Variants in CACFD1 observed in about 807,000 individuals in gnomAD.
CACFD1 encodes calcium channel flower domain containing 1, also known as calcium channel flower homolog.
CACFD1 carries 26 observed loss-of-function variants against 21.3 expected under a neutral mutation model. That is an observed-to-expected ratio of 1.22 (90% CI 0.89 to 1.69). The LOEUF is 1.69. CACFD1 is among the 40% of genes most tolerant of loss of function. The pLI, the probability that CACFD1 is intolerant of heterozygous loss-of-function variation, is 0.00. For missense variants in CACFD1, 265 were observed against 236.2 expected, an observed-to-expected ratio of 1.12 and a Z score of -0.80; for synonymous variants, 121 against 106.6, an observed-to-expected ratio of 1.13 and a Z score of -0.83.
chr9:133,460,988 T>C (rs1223115405), intron 1 of CACFD1, among the ~76,000 whole-genome samples: 3 of 152,054 alleles, frequency 2.0e-5, no homozygotes, highest in Non-Finnish European at 4.4e-5. Context: ...CAGGAGTGAA[T>C]GGAAGCCGTA....
Position 133,468,558 on chromosome 9 carries a change from C to CTGG in CACFD1, c.429-5_429-4insTGG. 1 of 1,574,532 alleles carries CTGG rather than the reference C, an allele frequency of 6.4e-7. No homozygotes were observed. The highest frequency in any genetic ancestry group is 8.6e-7 in the Non-Finnish European group (1 of 1,161,926). Reference sequence around the variant, plus strand: ...CCACGTGACGCTGCCTCTCTCTCTCCCCAGGGGCGATGCGATCTCCTATGC... The same window carrying CTGG: ...CCACGTGACGCTGCCTCTCTCTCTCCTGGCCAGGGGCGATGCGATCTCCTATGC... On this transcript the variant is annotated splice_polypyrimidine_tract_variant and splice_region_variant and intron_variant, in intron 4 of 4. Transcript: ENST00000316948.
At chr9:133,461,992 G>A in intron 1 of CACFD1, 1 of 985,364 alleles carries the variant, frequency 1.0e-6, no homozygotes, top group South Asian at 4.7e-5. Flanking sequence ...CCTTGGGAGG[G>A]GACAGGATTG....
Position 133,468,005 on chromosome 9 carries a change from C to A in CACFD1, c.405C>A (p.Tyr135Ter). 1 of 1,613,840 alleles carries A rather than the reference C, an allele frequency of 6.2e-7. No homozygotes were observed. ...TCGCCTTTGCTACGGGGGTGCTGTA[C>A]GGACTCTCTGCTCTGGGCAAAAAGT... ...NAIAFATGVL[Y>*]GLSALGKKGD... Residue 135 changes from tyrosine to a stop codon, truncating the protein, a stop_gained, in exon 4 of 5, where the codon TAC becomes TAA. Coordinates refer to ENST00000316948, the MANE Select transcript of CACFD1 (RefSeq NM_017586.5). LOFTEE classifies it high-confidence loss of function.
chr9:133,465,555 G>A lies in CACFD1; in HGVS notation c.320+108G>A, dbSNP rs1554799388. 3 of 1,160,202 alleles carry A rather than the reference G, an allele frequency of 2.6e-6. No individual in the cohort carries two copies. The highest frequency in any genetic ancestry group is 3.7e-6 in the Non-Finnish European group (3 of 816,796). 71.9% of individuals were successfully genotyped at this position (1,160,202 alleles called of 1,614,324 possible). On this transcript the variant is annotated intron_variant, in intron 3 of 4. Coordinates refer to ENST00000316948, the MANE Select transcript of CACFD1 (RefSeq NM_017586.5). This position sits in a 1 kb window ranked among gnomAD's most constrained non-coding sequence, Gnocchi z 5.0. ...TGGGCAGTGTATTCAGTTCCTCTCT[G>A]TGGAAGTGTAAACTGGGATTGCCTT...
chr9:133,460,560 A>G (rs1027741834), intron 1 of CACFD1, among the ~76,000 whole-genome samples: 31 of 140,174 alleles, frequency 2.2e-4, no homozygotes, highest in African/African-American at 7.3e-4. Flanking sequence ...TTTCTCGGTG[A>G]TGCTCACGGG....
In CACFD1 at chr9:133,465,284, T is replaced by A; in HGVS notation, c.195-38T>A. On this transcript the variant is annotated intron_variant, in intron 2 of 4. Coordinates refer to ENST00000316948, the MANE Select transcript of CACFD1 (RefSeq NM_017586.5). The surrounding 1 kb of genome is among the most constrained non-coding windows in gnomAD (Gnocchi z 5.0). ...GGGGCCGCCCTCATCCTCCTGGGAT[T>A]GTCAGTCGCTGCTCTTCTCCTGCCC... 1 of 1,612,146 alleles carries A rather than the reference T, an allele frequency of 6.2e-7. No individual in the cohort carries two copies. The highest frequency in any genetic ancestry group is 1.7e-5 in the Admixed American group (1 of 60,010).
At chr9:133,461,869 G>T (rs1843231463) in intron 1 of CACFD1, 2 of 985,270 alleles carry the variant, frequency 2.0e-6, no homozygotes, top group Non-Finnish European at 2.4e-6. Context: ...TTCAGACAAG[G>T]GTTGTGTGCC....
intron 1 of CACFD1, chr9:133,461,949 T>C (rs1554798624): frequency 2.0e-6 from 2 of 985,298 alleles, no homozygotes; most frequent in African/African-American, 3.5e-5. Context: ...GGAGAGGGTC[T>C]ACCCTGGGTC....
intron 3 of CACFD1, among the ~76,000 whole-genome samples, chr9:133,466,467 T>G (rs2130999172): frequency 6.6e-6 from 1 of 152,362 alleles, no homozygotes; most frequent in East Asian, 1.9e-4. Flanking sequence ...TATAAGCATT[T>G]GAACATCACC....
intron 1 of CACFD1, among the ~76,000 whole-genome samples, chr9:133,462,906 G>A (rs1554798825): frequency 6.6e-6 from 1 of 152,248 alleles, no homozygotes. Context: ...TGAAGATAGC[G>A]TGCCAGTGGC....
intron 3 of CACFD1, among the ~76,000 whole-genome samples, chr9:133,466,797 A>G (rs782684648): frequency 6.6e-6 from 1 of 151,868 alleles, no homozygotes; most frequent in Non-Finnish European, 1.5e-5. Context: ...GTTATCTAAG[A>G]GGGAAAAATA....
intron 1 of CACFD1, among the ~76,000 whole-genome samples, chr9:133,461,388 T>C (rs1554798504): frequency 6.6e-6 from 1 of 152,176 alleles, no homozygotes; most frequent in African/African-American, 2.4e-5. Context: ...GGCCCCGAGT[T>C]TGTGTCACTG....
intron 2 of CACFD1, among the ~76,000 whole-genome samples, chr9:133,464,524 G>C (rs182059583): frequency 2.4e-4 from 37 of 152,270 alleles, no homozygotes; most frequent in African/African-American, 8.4e-4. Context: ...CCCGGGCTTG[G>C]GGTGGCTCTT....
In CACFD1 at chr9:133,460,128, A is replaced by C. The variant is rs2130976459; in HGVS notation, c.62A>C (p.Glu21Ala). Residue 21 changes from glutamate to alanine, a missense_variant, in exon 1 of 5, where the codon GAG (glutamate) becomes GCG (alanine). By Grantham distance (107) the Glu-to-Ala change is moderately radical. Coordinates refer to ENST00000316948, the MANE Select transcript of CACFD1 (RefSeq NM_017586.5). ...SASSAPPAQE[E>A]GMTWWYRWLC... ...AGCTCTGCGCCGCCCGCGCAGGAAG[A>C]GGGCATGACGTGGTGGTACCGCTGG... The C allele has an allele frequency of 6.4e-7, 1 of 1,562,434 alleles. No individual in the cohort carries two copies. The highest frequency in any genetic ancestry group is 2.4e-5 in the East Asian group (1 of 41,696).
chr9:133,460,168 TG>T lies in CACFD1; in HGVS notation c.106del (p.Val36CysfsTer21). ...GGTACCGCTGGCTGTGTCGCCTGTC[TG>T]GGGTGCTGGGGGCAGTCTGTGAGTA... ...WWYRWLCRLSGVLGAVSCAIS... is the reference protein window; with the variant it reads ...WWYRWLCRLSXVLGAVSCAIS... On this transcript the variant is annotated frameshift_variant, in exon 1 of 5. Transcript: ENST00000316948. LOFTEE classifies it high-confidence loss of function. The T allele has an allele frequency of 1.3e-6, 2 of 1,554,706 alleles. No individual in the cohort carries two copies. Among genetic ancestry groups the T allele is most frequent in the Non-Finnish European group, 1.7e-6 (2 of 1,149,812 alleles).
chr9:133,468,112 G>A, intron 4 of CACFD1, 84 bp downstream of exon 4: 4 of 1,205,518 alleles, frequency 3.3e-6, no homozygotes, highest in Non-Finnish European at 3.6e-6. Flanking sequence ...TCTGAGAGTG[G>A]CCCCTTTTAG....
At position 133,468,681 on chromosome 9, in the gene CACFD1, C is replaced by G. The variant is rs782634397; in HGVS notation, c.*28C>G. The G allele has an allele frequency of 2.4e-5, 37 of 1,545,376 alleles. No homozygotes were observed. In the African/African-American group the frequency reaches 4.3e-4, roughly 18 times the overall value. ...GGCTGGGCGCCCCTCCCTCCCTGTC[C>G]CCTCTTCTGGCTCTGTGTGGGTCCA... On this transcript the variant is annotated 3_prime_UTR_variant, in exon 5 of 5. Coordinates refer to ENST00000316948, the MANE Select transcript of CACFD1 (RefSeq NM_017586.5).
intron 2 of CACFD1, among the ~76,000 whole-genome samples, chr9:133,464,472 G>A (rs972218854): frequency 1.3e-5 from 2 of 152,080 alleles, no homozygotes; most frequent in Non-Finnish European, 2.9e-5. Context: ...TGGGAGGCTC[G>A]GGGCGGGTGC....
chr9:133,466,914 G>A (rs1843459342), intron 3 of CACFD1, among the ~76,000 whole-genome samples: 3 of 152,180 alleles, frequency 2.0e-5, no homozygotes, highest in South Asian at 2.1e-4. Context: ...TGTGTTTTCT[G>A]TATTAAAGAT....
Sources: gnomAD v4.1 joint callset for allele counts (sites outside exome capture counted in the v4.1 genomes callset) on GRCh38, gnomAD v4.1.1 for gene constraint, Gnocchi (gnomAD v3.1) non-coding constraint, MANE v1.5 for transcripts, NCBI Gene and HGNC (gene_info 2026-07-23, HGNC 2026-07-21) for gene names.